The following TCEANC variants were observed in gnomAD, a reference collection of about 807,000 sequenced individuals.
TCEANC encodes the protein transcription elongation factor A N-terminal and central domain-containing protein.
A neutral mutation model predicts 8.7 loss-of-function variants in TCEANC; 8 were observed. That is an observed-to-expected ratio of 0.92 (90% CI 0.54 to 1.65). TCEANC has a LOEUF of 1.65. Ranked by LOEUF, TCEANC falls within the 40% of genes most tolerant of loss-of-function variation. The pLI, the probability that TCEANC is intolerant of heterozygous loss-of-function variation, is 0.00. For synonymous variants in TCEANC, 78 were observed against 92.9 expected, an observed-to-expected ratio of 0.84 and a Z score of 0.92; for missense variants, 255 against 251.9, an observed-to-expected ratio of 1.01 and a Z score of -0.08.
chrX:13,662,803 A>G, exon 2 of TCEANC: 1 of 1,211,421 alleles, frequency 8.3e-7, no homozygotes, highest in Non-Finnish European at 1.1e-6. Flanking sequence ...GAGGGGTAAT[A>G]AAGAAGAAAA....
At chrX:13,659,229 A>C (rs1472658058) in intron 1 of TCEANC, among the ~76,000 whole-genome samples, 1 of 112,407 alleles carries the variant, frequency 8.9e-6, no homozygotes, top group Non-Finnish European at 1.9e-5. Context: ...AGAAACATTC[A>C]ATGTGCCTGC....
At chrX:13,655,924 C>T (rs747396720) in intron 1 of TCEANC, among the ~76,000 whole-genome samples, 1 of 112,329 alleles carries the variant, frequency 8.9e-6, no homozygotes, top group Non-Finnish European at 1.9e-5. Flanking sequence ...CTTTTTGCCA[C>T]TGGCCAAGGA....
chrX:13,662,554 C>A, exon 2 of TCEANC: 2 of 1,211,460 alleles, frequency 1.7e-6, no homozygotes, highest in Non-Finnish European at 1.1e-6. Flanking sequence ...TCTTATTGAG[C>A]AACTGATGTC....
rs1045329433 is a variant in TCEANC, at chrX:13,663,639, A to C, written c.*75A>C. 36 of 912,386 alleles carry C rather than the reference A, an allele frequency of 3.9e-5. 1 individual carries two copies. Among genetic ancestry groups the C allele is most frequent in the Non-Finnish European group, 5.0e-5 (34 of 680,674 alleles). 75.2% of individuals were successfully genotyped at this position (912,386 alleles called of 1,213,427 possible). A position where few individuals can be genotyped will look rare whatever the true frequency, so the allele number is the denominator to read the frequency against. Reference sequence around the variant, plus strand: ...TGTACAACCCTTTTGTGCTTTTAAAAATCTTATACACACTACTCTCTAAAA... The same window carrying C: ...TGTACAACCCTTTTGTGCTTTTAAACATCTTATACACACTACTCTCTAAAA... On this transcript the variant is annotated 3_prime_UTR_variant, in exon 2 of 2. Coordinates refer to ENST00000380600, the Ensembl canonical transcript of TCEANC.
chrX:13,663,383 C>CAAATAAAATAAAATGCAGACGCTGTGAG lies in TCEANC; in HGVS notation c.881_908dup (p.Tyr303Ter), dbSNP rs1569218609. 12 of 1,191,438 alleles carry CAAATAAAATAAAATGCAGACGCTGTGAG rather than the reference C, an allele frequency of 1.0e-5. No individual in the cohort carries two copies. The Admixed American group carries it at 2.8e-4, about 28-fold the overall frequency. ...CCCCAAGTAATTGATGGCACACAGACAAATAAAATAAAATGCAGACGCTGT... is the reference window on the plus strand; with the variant it reads ...CCCCAAGTAATTGATGGCACACAGACAAATAAAATAAAATGCAGACGCTGTGAGAAATAAAATAAAATGCAGACGCTGT... On this transcript the variant is annotated frameshift_variant, in exon 2 of 2. Coordinates refer to ENST00000380600, the Ensembl canonical transcript of TCEANC. LOFTEE classifies it high-confidence loss of function.
Position 13,662,771 on chromosome X carries a change from A to G in TCEANC, c.263A>G (p.Asn88Ser), listed in dbSNP as rs1346951751. 7 of 1,211,525 alleles carry G rather than the reference A, an allele frequency of 5.8e-6. No individual in the cohort carries two copies. Among genetic ancestry groups the G allele is most frequent in the Non-Finnish European group, 6.7e-6 (6 of 895,215 alleles). The change falls in exon 2 of 2, where the codon AAC (asparagine) becomes AGC (serine). Residue 88 changes from asparagine to serine, a missense_variant. By Grantham distance (46) the Asn-to-Ser change is conservative (BLOSUM62 1). Transcript: ENST00000380600. ...AAGCAGACTCACTCCAAAGCGAGGAACAGCCCTAAATTATTTCCTGTGAGG... is the reference window on the plus strand; with the variant it reads ...AAGCAGACTCACTCCAAAGCGAGGAGCAGCCCTAAATTATTTCCTGTGAGG...
chrX:13,654,680 A>C (rs185656831), upstream of TCEANC, among the ~76,000 whole-genome samples: 1 of 111,614 alleles, frequency 9.0e-6, no homozygotes, highest in Admixed American at 9.5e-5. Flanking sequence ...CCCATTTTGT[A>C]GATGAGGAAA....
rs770589277 is a variant in TCEANC, at chrX:13,663,383, CAAAT to C, written c.879_882del (p.Asn293LysfsTer2). ...CCCCAAGTAATTGATGGCACACAGA[CAAAT>C]AAAATAAAATGCAGACGCTGTGAGA... On this transcript the variant is annotated frameshift_variant, in exon 2 of 2. Transcript: ENST00000380600. LOFTEE classifies it high-confidence loss of function. 9.2e-6 allele frequency: 11 copies of C among 1,191,491 alleles called. No individual in the cohort carries two copies. The African/African-American group carries it at 1.9e-4, about 21-fold the overall frequency.
At chrX:13,655,027 AAG>A (rs2045914469), upstream of TCEANC, among the ~76,000 whole-genome samples, 1 of 110,904 alleles carries the variant, frequency 9.0e-6, no homozygotes, top group Non-Finnish European at 1.9e-5. Flanking sequence ...CCAAGCAGAG[AAG>A]AGAGAGAGCA....
chrX:13,663,619 A>G lies in TCEANC; in HGVS notation c.*55A>G, dbSNP rs750916352. The G allele has an allele frequency of 1.6e-5, 16 of 1,006,096 alleles. No homozygotes were observed. The Admixed American group carries it at 5.7e-4, about 36-fold the overall frequency. 82.9% of individuals were successfully genotyped at this position (1,006,096 alleles called of 1,213,427 possible). A position where few individuals can be genotyped will look rare whatever the true frequency, so the allele number is the denominator to read the frequency against. ...CCGGAGTGATACCTTTTATTTGTAC[A>G]ACCCTTTTGTGCTTTTAAAAATCTT... is the stretch of plus-strand genomic sequence containing the variant. On this transcript the variant is annotated 3_prime_UTR_variant, in exon 2 of 2. Transcript: ENST00000380600.
chrX:13,655,883 C>G (rs1461876489), intron 1 of TCEANC, among the ~76,000 whole-genome samples: 1 of 112,670 alleles, frequency 8.9e-6, no homozygotes, highest in African/African-American at 3.2e-5. Flanking sequence ...TCAGTGGTTG[C>G]GAGTAGTCAA....
chrX:13,657,719 A>T (rs749231633), intron 1 of TCEANC, among the ~76,000 whole-genome samples: 1 of 109,364 alleles, frequency 9.1e-6, no homozygotes, highest in Non-Finnish European at 1.9e-5. Flanking sequence ...GAGGCACGAG[A>T]ATCACTTGAA....
At chrX:13,660,085 C>T (rs2045955624) in intron 1 of TCEANC, among the ~76,000 whole-genome samples, 2 of 112,101 alleles carry the variant, frequency 1.8e-5, no homozygotes, top group South Asian at 7.4e-4. Context: ...AGACCAATAA[C>T]TTTTCTGATT....
intron 1 of TCEANC, among the ~76,000 whole-genome samples, chrX:13,656,808 G>A (rs1163448608): frequency 8.9e-6 from 1 of 112,834 alleles, no homozygotes; most frequent in Non-Finnish European, 1.9e-5. Context: ...CAACATGGAT[G>A]AACCTTGAGG....
intron 1 of TCEANC, among the ~76,000 whole-genome samples, chrX:13,661,744 A>T (rs1890690053): frequency 8.9e-6 from 1 of 112,652 alleles, no homozygotes; most frequent in African/African-American, 3.2e-5. Flanking sequence ...AGACATAATC[A>T]TTGAGCAACT....
chrX:13,665,168 C>G (rs1287749129), exon 2 of TCEANC: 3 of 123,935 alleles, frequency 2.4e-5, no homozygotes, highest in Non-Finnish European at 3.7e-5. Flanking sequence ...ATGTTTAGTC[C>G]TTAACTTGCA....
At chrX:13,659,872 AC>A (rs1330350445) in intron 1 of TCEANC, 104 bp downstream of exon 3, 2 of 111,853 alleles carry the variant, frequency 1.8e-5, no homozygotes, top group Non-Finnish European at 3.8e-5. Flanking sequence ...TGATCCACCC[AC>A]CTTGGCCTCC....
At chrX:13,655,297 T>G (rs1445735853) in exon 1 of TCEANC, 1 of 112,269 alleles carries the variant, frequency 8.9e-6, no homozygotes, top group African/African-American at 3.2e-5. Context: ...AGGAGTATTG[T>G]GAGGATTGAG....
At chrX:13,661,956 T>A (rs2045969562) in intron 1 of TCEANC, among the ~76,000 whole-genome samples, 1 of 112,067 alleles carries the variant, frequency 8.9e-6, no homozygotes, top group Non-Finnish European at 1.9e-5. Flanking sequence ...GTCTCACATT[T>A]TCCTTAGATT....
Sources: gnomAD v4.1 joint callset for allele counts (sites outside exome capture counted in the v4.1 genomes callset) on GRCh38, gnomAD v4.1.1 for gene constraint, MANE v1.5 for transcripts, NCBI Gene and HGNC (gene_info 2026-07-23, HGNC 2026-07-21) for gene names.